Variants in GRIK2 observed in about 807,000 individuals in gnomAD.
GRIK2 encodes the protein glutamate receptor ionotropic, kainate 2.
In GRIK2, 32 loss-of-function variants were observed where a neutral mutation model predicts 100.3. The ratio of observed to expected loss-of-function variants is 0.32; its 90% CI spans 0.24 to 0.43. The LOEUF (loss-of-function observed/expected upper bound fraction) is 0.43, where lower values mean the gene tolerates loss of function less well. Among genes scored for constraint, GRIK2 ranks in the 20% least tolerant of loss-of-function variants. The pLI is 1.00. For missense variants in GRIK2, 843 were observed against 1,114.9 expected (o/e 0.76, Z 3.47); for synonymous variants, 417 against 389.4 (o/e 1.07, Z -0.83).
chr6:102,043,527 A>T (rs1314698645), intron 15 of GRIK2, among the ~76,000 whole-genome samples: 1 of 151,764 alleles, frequency 6.6e-6, no homozygotes, highest in East Asian at 1.9e-4. Flanking sequence ...TTTGTGCCTG[A>T]CTTCTTTCAT....
chr6:102,026,171 A>T (rs945266913), intron 14 of GRIK2, among the ~76,000 whole-genome samples: 1 of 141,216 alleles, frequency 7.1e-6, no homozygotes, highest in South Asian at 2.2e-4. Context: ...CAGTAGGTAT[A>T]TGCTACAGTC....
intron 10 of GRIK2, among the ~76,000 whole-genome samples, chr6:101,839,164 G>A (rs1262978607): frequency 1.3e-5 from 2 of 152,046 alleles, no homozygotes; most frequent in Non-Finnish European, 2.9e-5. Flanking sequence ...AAGACTCCAG[G>A]CTACTCTGAC....
At chr6:101,926,346 C>T (rs971232210) in intron 13 of GRIK2, among the ~76,000 whole-genome samples, 8 of 152,010 alleles carry the variant, frequency 5.3e-5, no homozygotes, top group African/African-American at 1.9e-4. Context: ...ACAAGTCACC[C>T]AGGCAAAACT....
intron 2 of GRIK2, among the ~76,000 whole-genome samples, chr6:101,540,063 C>T (rs1338179137): frequency 6.6e-6 from 1 of 151,490 alleles, no homozygotes; most frequent in Non-Finnish European, 1.5e-5. Flanking sequence ...AAGGTCAGCA[C>T]TTCTTGGCAT....
intron 16 of GRIK2, among the ~76,000 whole-genome samples, chr6:102,064,320 CTTCCT>C (rs374625384): frequency 1.6e-4 from 23 of 148,026 alleles, no homozygotes; most frequent in Admixed American, 2.7e-4. Context: ...TCTCCTCCTC[CTTCCT>C]TTCCTTTCCT....
intron 2 of GRIK2, among the ~76,000 whole-genome samples, chr6:101,497,711 G>T (rs1208383785): frequency 6.6e-6 from 1 of 151,864 alleles, no homozygotes; most frequent in Non-Finnish European, 1.5e-5. Context: ...ACCTTCATAG[G>T]TAATTTAAAG....
In GRIK2 at chr6:101,876,380, A is replaced by T. The variant is rs1294781430; in HGVS notation, c.1525-13260A>T. On this transcript the variant is annotated intron_variant, in intron 11 of 16. Transcript: ENST00000369134. ...TTTTTATAAATAATAATTGTGATAG[A>T]TTCCTTTCTGGTATTTCACAAGTTT... Among the ~76,000 whole-genome samples, 4 of 151,980 alleles carry T rather than the reference A, an allele frequency of 2.6e-5. No homozygotes were observed. In the East Asian group the frequency reaches 7.8e-4, roughly 29 times the overall value.
chr6:102,056,669 T>C (rs947557481), intron 16 of GRIK2, among the ~76,000 whole-genome samples: 1 of 151,954 alleles, frequency 6.6e-6, no homozygotes, highest in African/African-American at 2.4e-5. Flanking sequence ...AAATATTTTT[T>C]CTAATATTCT....
chr6:101,930,138 T>C (rs1333883507), intron 14 of GRIK2, among the ~76,000 whole-genome samples: 1 of 151,628 alleles, frequency 6.6e-6, no homozygotes, highest in African/African-American at 2.4e-5. Flanking sequence ...TCCCAGGAGG[T>C]TGAGACCAGC....
chr6:101,670,942 C>T (rs139075822), intron 4 of GRIK2, among the ~76,000 whole-genome samples: 192 of 152,220 alleles, frequency 1.3e-3, no homozygotes, highest in Non-Finnish European at 2.0e-3. Context: ...CAAAGCCACA[C>T]GGATTGTAAA....
chr6:101,689,113 TTAA>T (rs1305054703), intron 7 of GRIK2, among the ~76,000 whole-genome samples: 3 of 152,000 alleles, frequency 2.0e-5, no homozygotes, highest in Non-Finnish European at 1.5e-5. Flanking sequence ...GGAAAAGAAA[TTAA>T]TAAGCTGTTT....
chr6:101,782,009 TC>T (rs1474043401), intron 7 of GRIK2, among the ~76,000 whole-genome samples: 5 of 151,992 alleles, frequency 3.3e-5, no homozygotes, highest in South Asian at 2.1e-4. Context: ...TTCTCTGGAG[TC>T]CCCTTTATTT....
intron 7 of GRIK2, among the ~76,000 whole-genome samples, chr6:101,728,728 TCTATGAC>T (rs1775049244): frequency 6.6e-6 from 1 of 152,086 alleles, no homozygotes; most frequent in South Asian, 2.1e-4. Flanking sequence ...GACTGAAATA[TCTATGAC>T]AAGTGTAATT....
At chr6:101,628,175 T>C (rs1433461118) in intron 4 of GRIK2, among the ~76,000 whole-genome samples, 1 of 152,110 alleles carries the variant, frequency 6.6e-6, no homozygotes, top group East Asian at 1.9e-4. Context: ...TAGAACTCTG[T>C]GCAGAAATTT....
intron 2 of GRIK2, among the ~76,000 whole-genome samples, chr6:101,564,099 A>G (rs1051301474): frequency 6.6e-6 from 1 of 152,222 alleles, no homozygotes; most frequent in Non-Finnish European, 1.5e-5. Context: ...TCAAATTATC[A>G]TTAGGCTAAT....
chr6:101,662,229 A>G (rs1221532308), intron 4 of GRIK2, among the ~76,000 whole-genome samples: 2 of 152,216 alleles, frequency 1.3e-5, no homozygotes, highest in African/African-American at 4.8e-5. Flanking sequence ...AATGATGGCT[A>G]TGTCTTCTGT....
At chr6:101,636,000 G>A (rs1177778198) in intron 4 of GRIK2, among the ~76,000 whole-genome samples, 1 of 151,912 alleles carries the variant, frequency 6.6e-6, no homozygotes, top group Non-Finnish European at 1.5e-5. Context: ...CCCGTTACTG[G>A]GTATATACCC....
intron 2 of GRIK2, among the ~76,000 whole-genome samples, chr6:101,509,820 A>G (rs1455077245): frequency 6.6e-6 from 1 of 152,216 alleles, no homozygotes; most frequent in East Asian, 1.9e-4. Flanking sequence ...TTGCTTTCTT[A>G]GTATGAATCA....
chr6:101,518,035 C>A (rs1368475641), intron 2 of GRIK2, among the ~76,000 whole-genome samples: 1 of 152,058 alleles, frequency 6.6e-6, no homozygotes, highest in African/African-American at 2.4e-5. Context: ...TAAAGCTAAT[C>A]TTTTTTAAAC....
Sources: allele counts gnomAD v4.1 joint callset (sites outside exome capture counted in the v4.1 genomes callset), GRCh38; gene constraint gnomAD v4.1.1; transcripts MANE v1.5; gene names NCBI Gene and HGNC (gene_info 2026-07-23, HGNC 2026-07-21).